DDO: variants seen among roughly 807,000 people sequenced by gnomAD.
DDO encodes the protein D-aspartate oxidase, DDO.
DDO carries 16 observed loss-of-function variants against 16.8 expected under a neutral mutation model. That is an observed-to-expected ratio of 0.95 (90% CI 0.65 to 1.45). DDO has a LOEUF of 1.45. DDO is among the 40% of genes most tolerant of loss of function. The pLI is 0.00. For synonymous variants in DDO, 180 were observed against 167.2 expected, an observed-to-expected ratio of 1.08 and a Z score of -0.59; for missense variants, 429 against 420.3, an observed-to-expected ratio of 1.02 and a Z score of -0.18.
At chr6:110,407,142 C>T (rs117742168) in intron 3 of DDO, among the ~76,000 whole-genome samples, 2 of 152,306 alleles carry the variant, frequency 1.3e-5, no homozygotes, top group Non-Finnish European at 2.9e-5. Flanking sequence ...AGGCTATATA[C>T]TTACGCCAAA....
At chr6:110,396,372 G>A (rs997374162) in intron 4 of DDO, among the ~76,000 whole-genome samples, 43 of 152,180 alleles carry the variant, frequency 2.8e-4, no homozygotes, top group African/African-American at 1.0e-3. Context: ...CTTGTACTGT[G>A]CCCAGCACCC....
At chr6:110,399,461 TGGGTCGCCTGGCGGGA>T (rs1773400082) in intron 4 of DDO, among the ~76,000 whole-genome samples, 1 of 152,218 alleles carries the variant, frequency 6.6e-6, no homozygotes, top group Non-Finnish European at 1.5e-5. Flanking sequence ...GCGTCCCATG[TGGGTCGCCTGGCGGGA>T]GGTCAGTGGG....
At chr6:110,411,187 A>G (rs1422321534) in intron 2 of DDO, among the ~76,000 whole-genome samples, 2 of 152,196 alleles carry the variant, frequency 1.3e-5, no homozygotes, top group African/African-American at 4.8e-5. Context: ...AAACTGAATG[A>G]CATCACAGAT....
At chr6:110,400,645 T>A (rs531844718) in intron 4 of DDO, among the ~76,000 whole-genome samples, 2 of 152,312 alleles carry the variant, frequency 1.3e-5, no homozygotes, top group South Asian at 4.1e-4. Flanking sequence ...CAATGAGCCC[T>A]CTCTCCCAGG....
intron 4 of DDO, 102 bp from the exon 5 acceptor site, chr6:110,393,444 C>G: frequency 6.8e-7 from 1 of 1,462,798 alleles, no homozygotes; most frequent in Non-Finnish European, 9.0e-7. Flanking sequence ...AGGTGATGAT[C>G]TGATGAACAA....
rs199869693 is a variant in DDO, at chr6:110,405,267, G to C, written c.282-317C>G. On this transcript the variant is annotated intron_variant, in intron 3 of 4. Transcript: ENST00000368924. ...TGCCCAGGCTGGTCTCAAACTCCTG[G>C]ACTCAAGTGATCCACCCACCTTGGC... 2.8e-4 allele frequency among the ~76,000 whole-genome samples: 43 copies of C among 152,226 alleles called. 1 individual carries two copies. The East Asian group carries it at 6.8e-3, about 24-fold the overall frequency.
At chr6:110,398,802 G>A (rs981878824) in intron 4 of DDO, among the ~76,000 whole-genome samples, 3 of 152,202 alleles carry the variant, frequency 2.0e-5, no homozygotes, top group Admixed American at 6.5e-5. Flanking sequence ...GAGGAGGGGC[G>A]AGGAAAGTAC....
In DDO at chr6:110,414,034, A is replaced by C. The variant is rs907098700; in HGVS notation, c.-4-568T>G. Among the ~76,000 whole-genome samples the C allele has an allele frequency of 3.3e-5, 5 of 152,114 alleles. No homozygotes were observed. The South Asian group carries it at 6.2e-4, about 19-fold the overall frequency. ...TGATCCGCCGGCCCCAGCCTCCCAA[A>C]GTGCTGGGATTACAGGCGTGAGCCA... is the stretch of plus-strand genomic sequence containing the variant. On this transcript the variant is annotated intron_variant, in intron 1 of 4. Transcript: ENST00000368924.
chr6:110,412,016 A>G (rs1773874085), intron 2 of DDO, among the ~76,000 whole-genome samples: 1 of 152,160 alleles, frequency 6.6e-6, no homozygotes, highest in South Asian at 2.1e-4. Flanking sequence ...ATGCCCCACC[A>G]GTGGGAGGAT....
intron 4 of DDO, among the ~76,000 whole-genome samples, chr6:110,395,546 T>C (rs1486667291): frequency 6.6e-6 from 1 of 152,012 alleles, no homozygotes; most frequent in East Asian, 1.9e-4. Flanking sequence ...AGGGAGAAAC[T>C]GGGAAGGGCT....
At chr6:110,395,373 T>C (rs1172026767) in intron 4 of DDO, among the ~76,000 whole-genome samples, 1 of 152,026 alleles carries the variant, frequency 6.6e-6, no homozygotes, top group Non-Finnish European at 1.5e-5. Context: ...CTGCTGGCCT[T>C]TGGACTAGAG....
chr6:110,388,698 G>T (rs1773054703), downstream of DDO: 1 of 620,106 alleles, frequency 1.6e-6, no homozygotes, highest in Non-Finnish European at 2.0e-6. Flanking sequence ...CAATGACAGG[G>T]CTCAAAGCAG....
chr6:110,407,824 C>A (rs1773708129), intron 3 of DDO, among the ~76,000 whole-genome samples: 1 of 152,136 alleles, frequency 6.6e-6, no homozygotes, highest in Admixed American at 6.5e-5. Context: ...TAGAAGTGTG[C>A]TAACAGTTTC....
intron 1 of DDO, among the ~76,000 whole-genome samples, chr6:110,414,890 T>A (rs1582499514): frequency 6.6e-6 from 1 of 152,260 alleles, no homozygotes; most frequent in Non-Finnish European, 1.5e-5. Flanking sequence ...GCTGGGCAGC[T>A]TCCTCAGCAA....
At chr6:110,389,589 T>A (rs1304756233), downstream of DDO, among the ~76,000 whole-genome samples, 4 of 152,214 alleles carry the variant, frequency 2.6e-5, no homozygotes, top group Non-Finnish European at 5.9e-5. Flanking sequence ...AGACTTCACA[T>A]ATGTCCTGAT....
At chr6:110,413,620 A>G (rs1382819622) in intron 1 of DDO, among the ~76,000 whole-genome samples, 154 bp from the exon 2 acceptor site, 1 of 152,200 alleles carries the variant, frequency 6.6e-6, no homozygotes, top group African/African-American at 2.4e-5. Flanking sequence ...GGATAACCCC[A>G]TAAGCTCACT....
At chr6:110,397,487 TA>T (rs1773328548) in intron 4 of DDO, among the ~76,000 whole-genome samples, 1 of 152,236 alleles carries the variant, frequency 6.6e-6, no homozygotes, top group Non-Finnish European at 1.5e-5. Context: ...AACTCAGAAT[TA>T]TTTTCATAAT....
In DDO at chr6:110,392,190, A is replaced by G. The variant is rs376224068; in HGVS notation, c.*585T>C. On this transcript the variant is annotated 3_prime_UTR_variant, in exon 5 of 5. Coordinates refer to ENST00000368924, the MANE Select transcript of DDO (RefSeq NM_001372108.2). ...AATAATCCAGCACTGTGTGAGCACA[A>G]TGTAATTTTATTTAGAGGAATTATG... The G allele has an allele frequency of 1.6e-5, 16 of 985,312 alleles. No individual in the cohort carries two copies. The highest frequency in any genetic ancestry group is 7.0e-5 in the African/African-American group (4 of 57,252). 61.0% of individuals were successfully genotyped at this position (985,312 alleles called of 1,614,324 possible).
chr6:110,404,025 C>T (rs1440331174), intron 4 of DDO, among the ~76,000 whole-genome samples: 2 of 152,174 alleles, frequency 1.3e-5, no homozygotes, highest in African/African-American at 4.8e-5. Flanking sequence ...TAATTCACAT[C>T]GTTCCTATTT....
Sources: allele counts gnomAD v4.1 joint callset (sites outside exome capture counted in the v4.1 genomes callset), GRCh38; gene constraint gnomAD v4.1.1; transcripts MANE v1.5; gene names NCBI Gene and HGNC (gene_info 2026-07-23, HGNC 2026-07-21).